DPP6: variants seen among roughly 807,000 people sequenced by gnomAD.
DPP6 encodes the protein dipeptidyl peptidase like 6.
A neutral mutation model predicts 122.6 loss-of-function variants in DPP6; 69 were observed. The ratio of observed to expected loss-of-function variants is 0.56; its 90% CI spans 0.46 to 0.69. The LOEUF is 0.69. DPP6 is among the 30% of genes least tolerant of loss of function. The pLI is 0.00. For synonymous variants in DPP6, 418 were observed against 433.1 expected (o/e 0.97, Z 0.43); for missense variants, 928 against 1,116.9 (o/e 0.83, Z 2.41).
intron 1 of DPP6, among the ~76,000 whole-genome samples, chr7:154,342,151 A>T (rs995135439): frequency 6.6e-6 from 1 of 152,208 alleles, no homozygotes; most frequent in Admixed American, 6.5e-5. Flanking sequence ...GATGGTTGGG[A>T]GGGAGAGAAT....
At chr7:153,950,573 C>T (rs1802163118) in intron 1 of DPP6, among the ~76,000 whole-genome samples, 2 of 152,134 alleles carry the variant, frequency 1.3e-5, no homozygotes, top group African/African-American at 4.8e-5. Flanking sequence ...GGTAATACCA[C>T]AGCCCAGGAA....
chr7:154,164,557 C>T (rs1797147252), intron 1 of DPP6, among the ~76,000 whole-genome samples: 1 of 152,026 alleles, frequency 6.6e-6, no homozygotes, highest in South Asian at 2.1e-4. Flanking sequence ...AACCATCACC[C>T]CCAGTCTAAT....
intron 1 of DPP6, among the ~76,000 whole-genome samples, chr7:153,955,135 TTATAGA>T (rs1354610941): frequency 6.6e-6 from 1 of 152,182 alleles, no homozygotes; most frequent in African/African-American, 2.4e-5. Context: ...CATAATGTTG[TTATAGA>T]TAAGATGGAG....
At chr7:154,407,127 G>C (rs1364798799) in intron 1 of DPP6, among the ~76,000 whole-genome samples, 11 of 152,052 alleles carry the variant, frequency 7.2e-5, no homozygotes, top group Non-Finnish European at 1.5e-4. Flanking sequence ...AGAATCTCTG[G>C]GTAGCAGACC....
chr7:154,822,580 G>A (rs1030300188), intron 16 of DPP6, among the ~76,000 whole-genome samples: 4 of 152,110 alleles, frequency 2.6e-5, no homozygotes, highest in Admixed American at 1.3e-4. Context: ...GCCAGATTGC[G>A]ATATTCACTT....
chr7:153,818,148 C>CATATATAT, the DPP6 span, among the ~76,000 whole-genome samples: 3 of 149,228 alleles, frequency 2.0e-5, no homozygotes, highest in Admixed American at 6.7e-5. Flanking sequence ...ATGGCCAATG[C>CATATATAT]ATATATATAT....
chr7:154,199,287 G>A (rs1349552613), intron 1 of DPP6, among the ~76,000 whole-genome samples: 1 of 152,152 alleles, frequency 6.6e-6, no homozygotes, highest in Non-Finnish European at 1.5e-5. Flanking sequence ...TCCTCATGTT[G>A]TCACTCATCC....
chr7:154,199,635 A>C (rs1395159135), intron 1 of DPP6, among the ~76,000 whole-genome samples: 1 of 148,686 alleles, frequency 6.7e-6, no homozygotes, highest in East Asian at 2.0e-4. Context: ...TTTGAGATGG[A>C]GTCTTGCTCA....
chr7:154,158,912 C>T (rs1384153773), intron 1 of DPP6, among the ~76,000 whole-genome samples: 1 of 151,918 alleles, frequency 6.6e-6, no homozygotes, highest in Non-Finnish European at 1.5e-5. Context: ...AAGGGTGTCT[C>T]GCTCTTCCAT....
intron 1 of DPP6, among the ~76,000 whole-genome samples, chr7:154,007,079 C>T (rs1159229950): frequency 6.6e-6 from 1 of 152,204 alleles, no homozygotes. Context: ...CTGCCTGCAC[C>T]CACCTGGACA....
chr7:153,936,863 T>C (rs561277510), intron 1 of DPP6, among the ~76,000 whole-genome samples: 1 of 151,994 alleles, frequency 6.6e-6, no homozygotes, highest in East Asian at 1.9e-4. Context: ...CAGTACTGCC[T>C]CCAGAGCCAG....
intron 7 of DPP6, among the ~76,000 whole-genome samples, chr7:154,716,016 G>A (rs116819741): frequency 0.029 from 4,364 of 152,044 alleles, 99 homozygotes; most frequent in African/African-American, 0.06. Context: ...TTCTGTTCCC[G>A]CCACACACCC....
the DPP6 span, among the ~76,000 whole-genome samples, chr7:153,773,895 A>C: frequency 6.6e-6 from 1 of 151,666 alleles, no homozygotes; most frequent in African/African-American, 2.4e-5. Flanking sequence ...AAATCAATAG[A>C]GAAAATCAAT....
intron 3 of DPP6, among the ~76,000 whole-genome samples, chr7:154,504,532 A>C (rs1047720175): frequency 5.9e-5 from 9 of 152,190 alleles, no homozygotes; most frequent in African/African-American, 2.2e-4. Context: ...TTTAAAAGAG[A>C]TGTGAGTACA....
intron 1 of DPP6, among the ~76,000 whole-genome samples, chr7:154,262,660 A>G (rs1037852282): frequency 3.0e-5 from 1 of 33,604 alleles, no homozygotes; most frequent in Admixed American, 2.5e-4. Flanking sequence ...AAGTTCAAAA[A>G]AAAAAAAAAA....
chr7:154,420,163 C>T, intron 1 of DPP6, among the ~76,000 whole-genome samples: 1 of 152,148 alleles, frequency 6.6e-6, no homozygotes, highest in Non-Finnish European at 1.5e-5. Context: ...ATGGTGAAAC[C>T]CTGTCTCTAC....
chr7:154,365,875 G>T (rs533017095), intron 1 of DPP6, among the ~76,000 whole-genome samples: 24 of 150,270 alleles, frequency 1.6e-4, no homozygotes, highest in Admixed American at 1.2e-3. Flanking sequence ...GGAGAATGGC[G>T]TGAACCTGGG....
At chr7:154,148,932 G>T (rs1331032431) in intron 1 of DPP6, among the ~76,000 whole-genome samples, 1 of 152,164 alleles carries the variant, frequency 6.6e-6, no homozygotes, top group Non-Finnish European at 1.5e-5. Flanking sequence ...CATCCTGGCT[G>T]CTCTGTGTGC....
chr7:153,990,283 C>T (rs1797108178), intron 1 of DPP6, among the ~76,000 whole-genome samples: 1 of 103,638 alleles, frequency 9.6e-6, no homozygotes, highest in Non-Finnish European at 1.8e-5. Flanking sequence ...ACAGTCCCGC[C>T]CCTGCCACCC....
Sources: allele counts gnomAD v4.1 joint callset (sites outside exome capture counted in the v4.1 genomes callset), GRCh38; gene constraint gnomAD v4.1.1; transcripts MANE v1.5; gene names NCBI Gene and HGNC (gene_info 2026-07-23, HGNC 2026-07-21).